ZNF83: variants seen among roughly 807,000 people sequenced by gnomAD.
ZNF83 encodes the protein zinc finger protein 83, also known as zinc finger protein 816B.
For missense variants in ZNF83, 552 were observed against 629.9 expected, an observed-to-expected ratio of 0.88 and a Z score of 1.32; for synonymous variants, 209 against 213.0, an observed-to-expected ratio of 0.98 and a Z score of 0.17.
At chr19:52,654,717 C>A in intron 3 of ZNF83, 2 of 166,208 alleles carry the variant, frequency 1.2e-5, no homozygotes, top group South Asian at 3.6e-4. Context: ...AATTCCATGT[C>A]AAACAGAGTT....
At chr19:52,681,767 G>T (rs894938216) in intron 1 of ZNF83, among the ~76,000 whole-genome samples, 2 of 152,320 alleles carry the variant, frequency 1.3e-5, no homozygotes, top group South Asian at 2.1e-4. Flanking sequence ...CATGAAATAG[G>T]TTCAAGGGTA....
At chr19:52,636,668 T>A (rs1658121572) in intron 1 of ZNF83, 1 of 112,778 alleles carries the variant, frequency 8.9e-6, no homozygotes, top group South Asian at 2.6e-4. Flanking sequence ...CCCCTTTTTT[T>A]CTTTTGAGAC....
At chr19:52,617,667 G>A (rs527731908) in intron 2 of ZNF83, 1 of 149,120 alleles carries the variant, frequency 6.7e-6, no homozygotes, top group East Asian at 2.0e-4. Flanking sequence ...AGAGGTGGAG[G>A]TTACAGTGAA....
At chr19:52,614,028 A>G in exon 3 of ZNF83, 1 of 1,613,366 alleles carries the variant, frequency 6.2e-7, no homozygotes, top group South Asian at 1.1e-5. Context: ...CACATTCATT[A>G]CATTTATATG....
chr19:52,625,749 C>A (rs2147124882), intron 2 of ZNF83, among the ~76,000 whole-genome samples: 1 of 152,202 alleles, frequency 6.6e-6, no homozygotes, highest in Non-Finnish European at 1.5e-5. Context: ...TACTTATATC[C>A]AGCCCCATAA....
intron 2 of ZNF83, among the ~76,000 whole-genome samples, chr19:52,628,786 G>A (rs921022585): frequency 4.0e-5 from 6 of 151,700 alleles, no homozygotes; most frequent in Non-Finnish European, 5.9e-5. Context: ...ACTTTTCTAG[G>A]GGAGGAGCAA....
intron 1 of ZNF83, among the ~76,000 whole-genome samples, chr19:52,663,791 AAAG>A (rs1385554387): frequency 3.9e-5 from 6 of 152,260 alleles, no homozygotes; most frequent in African/African-American, 1.4e-4. Context: ...ATGTGAGGTC[AAAG>A]AAGAAAATTC....
At chr19:52,617,585 G>T (rs2060357053) in intron 2 of ZNF83, 1 of 152,088 alleles carries the variant, frequency 6.6e-6, no homozygotes, top group African/African-American at 2.4e-5. Flanking sequence ...ACAAAAATTA[G>T]CTGGGCATGG....
exon 3 of ZNF83, chr19:52,613,728 A>C: frequency 7.4e-7 from 1 of 1,357,408 alleles, no homozygotes; most frequent in East Asian, 6.0e-5. Flanking sequence ...GGATTCTCTG[A>C]TGTTGTGCAA....
At chr19:52,689,909 T>G (rs1180654620) in intron 1 of ZNF83, among the ~76,000 whole-genome samples, 1 of 152,126 alleles carries the variant, frequency 6.6e-6, no homozygotes, top group Non-Finnish European at 1.5e-5. Flanking sequence ...CAACGCGGGC[T>G]CAGGAGAAGC....
In ZNF83 at chr19:52,644,345, T is replaced by A. The variant is rs56678540; in HGVS notation, c.-73-9192A>T. On this transcript the variant is annotated intron_variant, in intron 3 of 5. Coordinates refer to the ZNF83 transcript ENST00000594682. Reference sequence around the variant, plus strand: ...GGTTGAGCTTTTCCGGTCTAGCCCCTCATCTGCAAGTTGCAGGGAGGCTCA... The same window carrying A: ...GGTTGAGCTTTTCCGGTCTAGCCCCACATCTGCAAGTTGCAGGGAGGCTCA... Among the ~76,000 whole-genome samples, 1,091 of 152,190 alleles carry A rather than the reference T, an allele frequency of 7.2e-3. 15 individuals are homozygous for A. Among genetic ancestry groups the A allele is most frequent in the African/African-American group, 0.025 (1,043 of 41,512 alleles).
intron 2 of ZNF83, among the ~76,000 whole-genome samples, chr19:52,658,766 T>G (rs2061540154): frequency 6.6e-6 from 1 of 152,100 alleles, no homozygotes; most frequent in Non-Finnish European, 1.5e-5. Flanking sequence ...TTACCCTACC[T>G]CCATTAACTA....
intron 2 of ZNF83, among the ~76,000 whole-genome samples, chr19:52,659,344 C>T (rs977313432): frequency 1.1e-4 from 16 of 151,944 alleles, no homozygotes; most frequent in African/African-American, 3.6e-4. Context: ...GGTGCCCACT[C>T]GAGGTTACCA....
At chr19:52,639,415 A>ATTTTTTTTTTT (rs1160711365), upstream of ZNF83, among the ~76,000 whole-genome samples, 874 of 85,744 alleles carry the variant, frequency 0.01, 14 homozygotes, top group Admixed American at 0.021. Context: ...AGTTTTTTCT[A>ATTTTTTTTTTT]TTTTTTTTTT....
chr19:52,684,079 C>A (rs2061973000), intron 1 of ZNF83, among the ~76,000 whole-genome samples: 1 of 151,986 alleles, frequency 6.6e-6, no homozygotes, highest in Non-Finnish European at 1.5e-5. Flanking sequence ...ACTAAAAATA[C>A]AAAAATTGAG....
chr19:52,684,200 C>T (rs534003230), intron 1 of ZNF83, among the ~76,000 whole-genome samples: 1 of 152,106 alleles, frequency 6.6e-6, no homozygotes, highest in South Asian at 2.1e-4. Context: ...GAAACTGCAT[C>T]TCTACTAAAA....
intron 2 of ZNF83, among the ~76,000 whole-genome samples, chr19:52,660,196 A>G (rs546182988): frequency 1.3e-5 from 2 of 152,302 alleles, no homozygotes; most frequent in South Asian, 4.1e-4. Flanking sequence ...GCATAGTCTT[A>G]GTCAGAGAGG....
At chr19:52,648,996 AGCGACAGTTTTCAT>A (rs2061409256) in intron 3 of ZNF83, among the ~76,000 whole-genome samples, 1 of 152,096 alleles carries the variant, frequency 6.6e-6, no homozygotes, top group Non-Finnish European at 1.5e-5. Flanking sequence ...GCCCAGCTCC[AGCGACAGTTTTCAT>A]GCCCTGCCCC....
intron 2 of ZNF83, among the ~76,000 whole-genome samples, chr19:52,633,685 C>T (rs1042122016): frequency 6.6e-6 from 1 of 152,092 alleles, no homozygotes; most frequent in Non-Finnish European, 1.5e-5. Context: ...CCAAGGCAGG[C>T]GGATCACCTG....
Sources: allele counts gnomAD v4.1 joint callset (sites outside exome capture counted in the v4.1 genomes callset), GRCh38; gene constraint gnomAD v4.1.1; transcripts MANE v1.5; gene names NCBI Gene and HGNC (gene_info 2026-07-23, HGNC 2026-07-21).